Variants in TEDC2 observed in about 807,000 individuals in gnomAD.
The protein encoded by TEDC2 is tubulin epsilon and delta complex protein 2.
In TEDC2, 49 loss-of-function variants were observed where a neutral mutation model predicts 48.1. The observed-to-expected ratio is 1.02, with a 90% confidence interval of 0.81 to 1.29. TEDC2 has a LOEUF of 1.29. Ranked by LOEUF, TEDC2 falls within the 50% of genes most tolerant of loss-of-function variation. TEDC2 has a pLI of 0.00. For synonymous variants in TEDC2, 299 were observed against 247.1 expected, an observed-to-expected ratio of 1.21 and a Z score of -1.97; for missense variants, 631 against 571.4, an observed-to-expected ratio of 1.10 and a Z score of -1.06.
In TEDC2 at chr16:2,461,861, G is replaced by A. The variant is rs555049153; in HGVS notation, c.659+61G>A. On this transcript the variant is annotated intron_variant, in intron 5 of 9. Coordinates refer to ENST00000361837, the MANE Select transcript of TEDC2 (RefSeq NM_025108.3). ...GAGAACCGGGAGGCATCACCAGCTC[G>A]GGGACAGGTTCGAGATACTTTCCAG... The A allele has an allele frequency of 1.3e-4, 204 of 1,587,996 alleles. No homozygotes were observed. In the African/African-American group the frequency reaches 1.3e-3, roughly 10 times the overall value.
rs202053545 is a variant in TEDC2, at chr16:2,464,648, C to T, written c.1282C>T (p.Arg428Trp). 1,277 of 1,612,988 alleles carry T rather than the reference C, an allele frequency of 7.9e-4. 1 individual carries two copies. The highest frequency in any genetic ancestry group is 1.0e-3 in the Non-Finnish European group (1,195 of 1,179,960). Residue 428 changes from arginine to tryptophan, a missense_variant, in exon 10 of 10, where the codon CGG (arginine) becomes TGG (tryptophan). By Grantham distance (101) the Arg-to-Trp change is moderately radical (BLOSUM62 -3). Transcript: ENST00000361837. ...EGGARVLTIL[R>W]DEPAV Reference sequence around the variant, plus strand: ...AGGAGCACGTGTCCTTACCATCCTGCGGGATGAACCTGCAGTCTGAGCCTT... The same window carrying T: ...AGGAGCACGTGTCCTTACCATCCTGTGGGATGAACCTGCAGTCTGAGCCTT...
chr16:2,460,187 AG>A lies in TEDC2; in HGVS notation c.26+19del. The A allele has an allele frequency of 2.2e-6, 2 of 894,326 alleles. No homozygotes were observed. The highest frequency in any genetic ancestry group is 2.9e-6 in the Non-Finnish European group (2 of 687,394). 55.4% of individuals were successfully genotyped at this position (894,326 alleles called of 1,614,324 possible). On this transcript the variant is annotated intron_variant, in intron 1 of 9. Transcript: ENST00000361837. Reference sequence around the variant, plus strand: ...CTCGCGCCGGTGAGGCCTGCGCGGCAGGAGGGGGTGGGAGGATGCGGGCGGG... The same window carrying A: ...CTCGCGCCGGTGAGGCCTGCGCGGCAGAGGGGGTGGGAGGATGCGGGCGGG...
rs746297783 is a variant in TEDC2, at chr16:2,460,142, T to C, written c.-3T>C. 2.2e-6 allele frequency: 3 copies of C among 1,350,722 alleles called. No homozygotes were observed. The highest frequency in any genetic ancestry group is 3.1e-5 in the East Asian group (1 of 32,478). 83.7% of individuals were successfully genotyped at this position (1,350,722 alleles called of 1,614,324 possible). A position where few individuals can be genotyped will look rare whatever the true frequency, so the allele number is the denominator to read the frequency against. ...CAAATTGCAAGGAGACGCCGCCGCCTTCATGCTGCCGGCGGGCTGCTCGCG... is the reference window on the plus strand; with the variant it reads ...CAAATTGCAAGGAGACGCCGCCGCCCTCATGCTGCCGGCGGGCTGCTCGCG... On this transcript the variant is annotated 5_prime_UTR_variant, in exon 1 of 10. Coordinates refer to ENST00000361837, the MANE Select transcript of TEDC2 (RefSeq NM_025108.3).
intron 2 of TEDC2, 66 bp from the exon 3 acceptor site, chr16:2,460,557 C>T: frequency 6.3e-7 from 1 of 1,585,216 alleles, no homozygotes; most frequent in Non-Finnish European, 8.6e-7. Context: ...GCCCGGCGGC[C>T]CCCTCGGGTC....
At chr16:2,463,097 G>C (rs2065477440) in intron 8 of TEDC2, among the ~76,000 whole-genome samples, 1 of 152,096 alleles carries the variant, frequency 6.6e-6, no homozygotes, top group African/African-American at 2.4e-5. Context: ...CAAGGCGGGT[G>C]GATCATGAGG....
intron 8 of TEDC2, among the ~76,000 whole-genome samples, chr16:2,463,537 G>A (rs1018556581): frequency 2.6e-5 from 4 of 151,136 alleles, no homozygotes; most frequent in African/African-American, 4.9e-5. Context: ...TGAGGCACAA[G>A]AATTGCTTGA....
At position 2,464,817 on chromosome 16, in the gene TEDC2, T is replaced by A; in HGVS notation, c.*149T>A. The A allele has an allele frequency of 1.8e-6, 2 of 1,120,228 alleles. No homozygotes were observed. The highest frequency in any genetic ancestry group is 2.5e-6 in the Non-Finnish European group (2 of 792,736). The allele number at this position is 1,120,228 out of a possible 1,614,324, so 69.4% of individuals were successfully genotyped here. ...CCTCACTGGCTCTTCTCAGGACAAC[T>A]AAGCCTGCTGGTCAGGGCTGGCTTT... is the stretch of plus-strand genomic sequence containing the variant. On this transcript the variant is annotated 3_prime_UTR_variant, in exon 10 of 10. Transcript: ENST00000361837.
intron 2 of TEDC2, 58 bp downstream of exon 2, chr16:2,460,439 C>A (rs2065458652): frequency 6.5e-7 from 1 of 1,534,542 alleles, no homozygotes; most frequent in Admixed American, 2.0e-5. Context: ...AGTCCCGCCC[C>A]GAGCGCCCAG....
Position 2,461,449 on chromosome 16 carries a change from C to T in TEDC2, c.605+225C>T, listed in dbSNP as rs1181170065. 4.5e-6 allele frequency: 3 copies of T among 672,376 alleles called. No individual in the cohort carries two copies. The African/African-American group carries it at 5.4e-5, about 12-fold the overall frequency. 41.7% of individuals were successfully genotyped at this position (672,376 alleles called of 1,614,324 possible). ...GTACTGGAGCCTGTCCTCCTCTCTT[C>T]TCTGTGGCTGTCCCCTTATTTGCCC... is the stretch of plus-strand genomic sequence containing the variant. On this transcript the variant is annotated intron_variant, in intron 4 of 9. Coordinates refer to ENST00000361837, the MANE Select transcript of TEDC2 (RefSeq NM_025108.3).
chr16:2,462,515 A>G lies in TEDC2; in HGVS notation c.851A>G (p.Glu284Gly), dbSNP rs1596939933. Reference protein sequence around the residue: ...CSLLRLRMREELSAAPMDWMQ... With the variant: ...CSLLRLRMREGLSAAPMDWMQ... The stretch of plus-strand genomic sequence containing the variant: ...CTGCTGAGACTGCGCATGAGGGAGG[A>G]GCTCTCGGCAGGTCAGTGGGTCCTG... The change falls in exon 7 of 10, where the codon GAG becomes GGG. Residue 284 changes from glutamate (E) to glycine (G), a missense_variant. Transcript: ENST00000361837. 1 of 1,600,330 alleles carries G rather than the reference A, an allele frequency of 6.2e-7. No homozygotes were observed.
In TEDC2 at chr16:2,460,619, G is replaced by A; in HGVS notation, c.126-4G>A. On this transcript the variant is annotated splice_polypyrimidine_tract_variant and splice_region_variant and intron_variant, in intron 2 of 9. Transcript: ENST00000361837. Reference sequence around the variant, plus strand: ...CCGTGCGACGGCTGCCCGTGTCTTTGCAGGGAACCAACTGGGACCCGGGCT... The same window carrying A: ...CCGTGCGACGGCTGCCCGTGTCTTTACAGGGAACCAACTGGGACCCGGGCT... 6.2e-7 allele frequency: 1 copy of A among 1,612,850 alleles called. No individual in the cohort carries two copies. Among genetic ancestry groups the A allele is most frequent in the Non-Finnish European group, 8.5e-7 (1 of 1,179,924 alleles).
intron 5 of TEDC2, 57 bp downstream of exon 5, chr16:2,461,857 G>T: frequency 2.5e-6 from 4 of 1,593,932 alleles, no homozygotes; most frequent in Non-Finnish European, 3.4e-6. Flanking sequence ...GGCATCACCA[G>T]CTCGGGGACA....
At chr16:2,463,941 G>A in intron 8 of TEDC2, 98 bp from the exon 9 acceptor site, 2 of 1,312,940 alleles carry the variant, frequency 1.5e-6, no homozygotes, top group Non-Finnish European at 2.1e-6. Flanking sequence ...CCTAAAGGCA[G>A]GGCAGGTGGT....
chr16:2,461,618 C>A, intron 4 of TEDC2, 129 bp from the exon 5 acceptor site: 1 of 1,127,242 alleles, frequency 8.9e-7, no homozygotes, highest in Non-Finnish European at 1.3e-6. Flanking sequence ...CAAGGGGGCT[C>A]ATCCTTGGTG....
chr16:2,462,885 C>T (rs753234858), intron 8 of TEDC2, among the ~76,000 whole-genome samples, 153 bp downstream of exon 8: 3 of 152,222 alleles, frequency 2.0e-5, no homozygotes, highest in Non-Finnish European at 4.4e-5. Flanking sequence ...CGCCACTCCC[C>T]AGTGTGCTGG....
Position 2,460,135 on chromosome 16 carries a change from C to G in TEDC2, c.-10C>G, listed in dbSNP as rs947578382. ...GAGGCGGCAAATTGCAAGGAGACGC[C>G]GCCGCCTTCATGCTGCCGGCGGGCT... On this transcript the variant is annotated 5_prime_UTR_variant, in exon 1 of 10. Coordinates refer to ENST00000361837, the MANE Select transcript of TEDC2 (RefSeq NM_025108.3). 3.7e-6 allele frequency: 5 copies of G among 1,348,322 alleles called. No homozygotes were observed. The highest frequency in any genetic ancestry group is 3.1e-5 in the East Asian group (1 of 32,456). The allele number at this position is 1,348,322 out of a possible 1,614,324, so 83.5% of individuals were successfully genotyped here. A position where few individuals can be genotyped will look rare whatever the true frequency, so the allele number is the denominator to read the frequency against.
chr16:2,462,430 C>T lies in TEDC2; in HGVS notation c.766C>T (p.Pro256Ser), dbSNP rs2065472419. 3 of 1,611,976 alleles carry T rather than the reference C, an allele frequency of 1.9e-6. No homozygotes were observed. Among genetic ancestry groups the T allele is most frequent in the Non-Finnish European group, 2.5e-6 (3 of 1,179,816 alleles). The change falls in exon 7 of 10, where the codon CCC becomes TCC. Residue 256 changes from proline (P) to serine (S), a missense_variant. Transcript: ENST00000361837. ...CCATATCCAGTCAGGCGGGCCCCAG[C>T]CCAGGCTCAGTGCTGTGGAGGTGGA... ...NMQTASGGPQ[P>S]RLSAVEVEAE...
At chr16:2,462,765 T>C in intron 8 of TEDC2, 33 bp downstream of exon 8, 1 of 1,511,050 alleles carries the variant, frequency 6.6e-7, no homozygotes, top group Non-Finnish European at 8.9e-7. Context: ...CCACCTGCAC[T>C]GAGGTCTGGG....
intron 8 of TEDC2, among the ~76,000 whole-genome samples, chr16:2,463,536 A>G (rs1382568130): frequency 6.6e-6 from 1 of 151,880 alleles, no homozygotes; most frequent in African/African-American, 2.4e-5. Context: ...CTGAGGCACA[A>G]GAATTGCTTG....
Sources: allele counts gnomAD v4.1 joint callset (sites outside exome capture counted in the v4.1 genomes callset), GRCh38; gene constraint gnomAD v4.1.1; transcripts MANE v1.5; gene names NCBI Gene and HGNC (gene_info 2026-07-23, HGNC 2026-07-21).